PEBP4: variants seen among roughly 807,000 people sequenced by gnomAD.
PEBP4 encodes the protein phosphatidylethanolamine binding protein 4, also known as phosphatidylethanolamine-binding protein 4.
A neutral mutation model predicts 23.9 loss-of-function variants in PEBP4; 22 were observed. The observed-to-expected ratio is 0.92, with a 90% CI of 0.66 to 1.31. PEBP4 has a LOEUF of 1.31. Ranked by LOEUF, PEBP4 falls within the 40% of genes most tolerant of loss-of-function variation. The pLI, the probability that PEBP4 is intolerant of heterozygous loss-of-function variation, is 0.00. For missense variants in PEBP4, 324 were observed against 281.7 expected, an observed-to-expected ratio of 1.15 and a Z score of -1.07; for synonymous variants, 112 against 99.3, an observed-to-expected ratio of 1.13 and a Z score of -0.76.
chr8:22,738,226 C>T (rs1475817376), intron 4 of PEBP4, among the ~76,000 whole-genome samples: 1 of 152,226 alleles, frequency 6.6e-6, no homozygotes. Flanking sequence ...GGCCTCCTTC[C>T]TTCTCTCGCT....
At chr8:22,909,390 C>A (rs1202699918) in intron 3 of PEBP4, among the ~76,000 whole-genome samples, 1 of 152,208 alleles carries the variant, frequency 6.6e-6, no homozygotes. Context: ...GTCAGGTTAG[C>A]AGTGCAGACC....
chr8:22,726,241 A>G (rs1804621719), intron 5 of PEBP4, among the ~76,000 whole-genome samples: 1 of 152,206 alleles, frequency 6.6e-6, no homozygotes, highest in African/African-American at 2.4e-5. Flanking sequence ...ACTTCTGAGC[A>G]CAGGTGGGTG....
At chr8:22,734,175 G>A (rs920285893) in intron 4 of PEBP4, among the ~76,000 whole-genome samples, 2 of 152,210 alleles carry the variant, frequency 1.3e-5, no homozygotes, top group African/African-American at 2.4e-5. Context: ...GTGAGCGGAA[G>A]GCACTGACAG....
intron 4 of PEBP4, among the ~76,000 whole-genome samples, chr8:22,745,984 T>C (rs1291624311): frequency 6.6e-6 from 1 of 152,206 alleles, no homozygotes; most frequent in Non-Finnish European, 1.5e-5. Flanking sequence ...CAATGTTTGC[T>C]TAGAAAAATA....
intron 4 of PEBP4, among the ~76,000 whole-genome samples, chr8:22,790,655 T>C (rs970846953): frequency 1.3e-5 from 2 of 152,156 alleles, no homozygotes; most frequent in Admixed American, 6.5e-5. Context: ...GTGGCTACCT[T>C]TGAAGGCTCA....
intron 4 of PEBP4, among the ~76,000 whole-genome samples, chr8:22,808,375 TATTC>T (rs1318046738): frequency 6.6e-6 from 1 of 152,244 alleles, no homozygotes; most frequent in Non-Finnish European, 1.5e-5. Flanking sequence ...CTCCATTCTT[TATTC>T]ATTCATTCAT....
Position 22,915,313 on chromosome 8 carries a change from A to G in PEBP4, c.258+4871T>C, listed in dbSNP as rs375522524. ...CCCCAGCCACCAGCCAAACTTTAAGATAAACTCTAAACTCCACACCAGGGC... is the reference window on the plus strand; with the variant it reads ...CCCCAGCCACCAGCCAAACTTTAAGGTAAACTCTAAACTCCACACCAGGGC... On this transcript the variant is annotated intron_variant, in intron 3 of 6. Coordinates refer to ENST00000256404, the MANE Select transcript of PEBP4 (RefSeq NM_144962.3). 7.9e-5 allele frequency among the ~76,000 whole-genome samples: 12 copies of G among 152,210 alleles called. No individual in the cohort carries two copies. The East Asian group carries it at 1.7e-3, about 22-fold the overall frequency.
chr8:22,725,420 G>A (rs1325274944), intron 5 of PEBP4, among the ~76,000 whole-genome samples: 1 of 149,302 alleles, frequency 6.7e-6, no homozygotes, highest in African/African-American at 2.4e-5. Flanking sequence ...CGTCTGGAGG[G>A]TCTGGAAGTG....
Position 22,772,305 on chromosome 8 carries a change from G to A in PEBP4, c.358-45085C>T, listed in dbSNP as rs1340790716. ...GCAGGGAAATAATTGGACATGGTGC[G>A]TCAAGACTTTGGGCTGAGATAATTC... On this transcript the variant is annotated intron_variant, in intron 4 of 6. Coordinates refer to ENST00000256404, the MANE Select transcript of PEBP4 (RefSeq NM_144962.3). 9.2e-5 allele frequency among the ~76,000 whole-genome samples: 14 copies of A among 152,208 alleles called. No individual in the cohort carries two copies. The South Asian group carries it at 1.2e-3, about 14-fold the overall frequency.
At chr8:22,869,695 T>C (rs1465461701) in intron 3 of PEBP4, among the ~76,000 whole-genome samples, 1 of 152,024 alleles carries the variant, frequency 6.6e-6, no homozygotes, top group East Asian at 1.9e-4. Context: ...TACAAAGAAC[T>C]CTGAAAACAT....
rs112374035 is a variant in PEBP4, at chr8:22,924,624, G to A, written c.131+2960C>T. On this transcript the variant is annotated intron_variant, in intron 2 of 6. Transcript: ENST00000256404. ...GGTAAGAATGTACTTTCTGAAGAAC[G>A]GAGCTTTTCAACACCAAAAAGCAGG... The A allele has an allele frequency of 2.9e-4, 287 of 977,258 alleles. No individual in the cohort carries two copies. In the African/African-American group the frequency reaches 4.6e-3, roughly 16 times the overall value. 60.5% of individuals were successfully genotyped at this position (977,258 alleles called of 1,614,324 possible). A position where few individuals can be genotyped will look rare whatever the true frequency, so the allele number is the denominator to read the frequency against.
chr8:22,871,767 T>C (rs1367125822), intron 3 of PEBP4, among the ~76,000 whole-genome samples: 1 of 152,006 alleles, frequency 6.6e-6, no homozygotes, highest in Non-Finnish European at 1.5e-5. Context: ...TTGGCCAGGA[T>C]GGTGTTGATC....
At chr8:22,886,401 A>G (rs1808376675) in intron 3 of PEBP4, 1 of 152,234 alleles carries the variant, frequency 6.6e-6, no homozygotes, top group Admixed American at 6.5e-5. Flanking sequence ...TGGGACCTTG[A>G]AGGCTTCTTA....
intron 3 of PEBP4, among the ~76,000 whole-genome samples, chr8:22,893,786 A>G (rs1056837004): frequency 1.2e-4 from 19 of 152,342 alleles, no homozygotes; most frequent in African/African-American, 4.6e-4. Context: ...AAAACCCACC[A>G]GAATAGCATA....
intron 1 of PEBP4, among the ~76,000 whole-genome samples, chr8:22,940,780 C>T (rs114973894): frequency 1.3e-5 from 2 of 152,178 alleles, no homozygotes; most frequent in Admixed American, 6.5e-5. Context: ...TGAGCCACCA[C>T]GGCCAGCCTT....
chr8:22,820,749 G>A (rs754703290), intron 3 of PEBP4, among the ~76,000 whole-genome samples: 1 of 152,290 alleles, frequency 6.6e-6, no homozygotes, highest in South Asian at 2.1e-4. Flanking sequence ...TGGCTAGGCC[G>A]TAAGGCATCT....
At chr8:22,743,625 G>A (rs932822964) in intron 4 of PEBP4, among the ~76,000 whole-genome samples, 2 of 152,166 alleles carry the variant, frequency 1.3e-5, no homozygotes, top group Non-Finnish European at 2.9e-5. Context: ...GACAAAGTGA[G>A]GAATTTAGGT....
chr8:22,715,408 G>A (rs569761157), intron 6 of PEBP4, among the ~76,000 whole-genome samples: 39 of 149,986 alleles, frequency 2.6e-4, no homozygotes, highest in African/African-American at 9.0e-4. Flanking sequence ...ACATGTGTAT[G>A]TGTGGGTGCA....
At chr8:22,905,389 G>A (rs111467909) in intron 3 of PEBP4, among the ~76,000 whole-genome samples, 1 of 151,930 alleles carries the variant, frequency 6.6e-6, no homozygotes, top group African/African-American at 2.4e-5. Context: ...TGTTCTCTCG[G>A]TTTGTCGTGG....
Sources: allele counts gnomAD v4.1 joint callset (sites outside exome capture counted in the v4.1 genomes callset), GRCh38; gene constraint gnomAD v4.1.1; transcripts MANE v1.5; gene names NCBI Gene and HGNC (gene_info 2026-07-23, HGNC 2026-07-21).